Variants in ANKFY1 observed in about 807,000 individuals in gnomAD.
ANKFY1 encodes ankyrin repeat and FYVE domain containing 1.
ANKFY1 carries 47 observed loss-of-function variants against 128.3 expected under a neutral mutation model. The observed-to-expected ratio is 0.37, with a 90% CI of 0.29 to 0.47. The LOEUF is 0.47. Among genes scored for constraint, ANKFY1 ranks in the 20% least tolerant of loss-of-function variants. The pLI is 1.00. For missense variants in ANKFY1, 1,222 were observed against 1,510.6 expected (o/e 0.81, Z 3.17); for synonymous variants, 553 against 601.6 (o/e 0.92, Z 1.18).
Position 4,169,086 on chromosome 17 carries a change from G to T in ANKFY1, c.3377+112C>A. On this transcript the variant is annotated intron_variant, in intron 24 of 24. Transcript: ENST00000341657. The surrounding 1 kb of genome is among the most constrained non-coding windows in gnomAD (Gnocchi z 5.0). ...TCATCCCTCCATTTGGTCAAGGTTT[G>T]CCCATCAATGTGCAGGACCCAGGCA... The T allele has an allele frequency of 3.2e-6, 3 of 945,416 alleles. No homozygotes were observed. Among genetic ancestry groups the T allele is most frequent in the Non-Finnish European group, 4.9e-6 (3 of 613,268 alleles). 58.6% of individuals were successfully genotyped at this position (945,416 alleles called of 1,614,324 possible).
chr17:4,204,357 T>C (rs1007050219), intron 7 of ANKFY1, among the ~76,000 whole-genome samples: 3 of 152,204 alleles, frequency 2.0e-5, no homozygotes, highest in Non-Finnish European at 2.9e-5. Context: ...AAGGAAGACG[T>C]AGAATGTGAC....
At chr17:4,217,645 T>C (rs1335089651) in intron 3 of ANKFY1, among the ~76,000 whole-genome samples, 3 of 152,112 alleles carry the variant, frequency 2.0e-5, no homozygotes, top group Non-Finnish European at 4.4e-5. Context: ...GTCGAATAAA[T>C]TGGGGAAAAT....
At chr17:4,189,637 G>A (rs995645487) in intron 10 of ANKFY1, among the ~76,000 whole-genome samples, 158 bp from the exon 11 acceptor site, 6 of 151,304 alleles carry the variant, frequency 4.0e-5, no homozygotes, top group Non-Finnish European at 8.8e-5. Context: ...GTAGGCCCAC[G>A]CCAGAGAGTA....
At chr17:4,172,817 T>C (rs1781075806) in intron 21 of ANKFY1, 137 bp from the exon 22 acceptor site, 2 of 1,260,900 alleles carry the variant, frequency 1.6e-6, no homozygotes, top group Admixed American at 5.6e-5. Context: ...TTTCTTTTTC[T>C]TATTTTGTAT....
intron 14 of ANKFY1, among the ~76,000 whole-genome samples, chr17:4,182,560 G>A (rs1194665113): frequency 1.3e-5 from 2 of 152,126 alleles, no homozygotes; most frequent in African/African-American, 4.8e-5. Context: ...TATTGCCCTC[G>A]GAGATAACAT....
At chr17:4,243,931 A>AT in intron 1 of ANKFY1, among the ~76,000 whole-genome samples, 1 of 134,512 alleles carries the variant, frequency 7.4e-6, no homozygotes, top group Admixed American at 7.9e-5. Flanking sequence ...AAAGATAAAC[A>AT]ATTTTTTTTT....
Position 4,182,229 on chromosome 17 carries a change from C to CG in ANKFY1, c.2072dup (p.Leu692AlafsTer22). ...GATTGTTTGCCAATGCAAGCCACAG[C>CG]GGGGGGTTCCCCTTCTCATCTGGCA... On this transcript the variant is annotated frameshift_variant, in exon 15 of 25. Transcript: ENST00000341657. LOFTEE classifies it high-confidence loss of function. 6.3e-7 allele frequency: 1 copy of CG among 1,581,684 alleles called. No homozygotes were observed. The highest frequency in any genetic ancestry group is 8.6e-7 in the Non-Finnish European group (1 of 1,161,344).
intron 4 of ANKFY1, among the ~76,000 whole-genome samples, chr17:4,214,063 C>T (rs957318645): frequency 2.6e-5 from 4 of 152,188 alleles, no homozygotes; most frequent in Non-Finnish European, 5.9e-5. Flanking sequence ...TTCAATCTGC[C>T]TTCCTAACAT....
chr17:4,176,046 C>G (rs115519564), intron 19 of ANKFY1, among the ~76,000 whole-genome samples: 1 of 152,168 alleles, frequency 6.6e-6, no homozygotes, highest in African/African-American at 2.4e-5. Context: ...GACCCAGCTC[C>G]GCCTCCTTGG....
At chr17:4,187,533 T>A (rs1226544359) in intron 11 of ANKFY1, 1 of 360,694 alleles carries the variant, frequency 2.8e-6, no homozygotes, top group Non-Finnish European at 4.9e-6. Flanking sequence ...CCTTCTGCAG[T>A]GCTGGTCTCC....
At chr17:4,211,585 C>T (rs548006997) in intron 4 of ANKFY1, among the ~76,000 whole-genome samples, 27 of 152,018 alleles carry the variant, frequency 1.8e-4, no homozygotes, top group African/African-American at 3.6e-4. Context: ...TAAGGAAACA[C>T]GGCCAGGTGC....
Position 4,169,777 on chromosome 17 carries a change from A to G in ANKFY1, c.3287-489T>C, listed in dbSNP as rs1179879435. On this transcript the variant is annotated intron_variant, in intron 23 of 24. Coordinates refer to ENST00000341657, the MANE Select transcript of ANKFY1 (RefSeq NM_001330063.2). This position sits in a 1 kb window ranked among gnomAD's most constrained non-coding sequence, Gnocchi z 5.0. Reference sequence around the variant, plus strand: ...GAGTGCCTGGGTCTGCAGTGGGACCATGGGCAGAGCAACCTATGAGAAAGA... The same window carrying G: ...GAGTGCCTGGGTCTGCAGTGGGACCGTGGGCAGAGCAACCTATGAGAAAGA... Among the ~76,000 whole-genome samples the G allele has an allele frequency of 6.6e-6, 1 of 152,218 alleles. No homozygotes were observed. Among genetic ancestry groups the G allele is most frequent in the African/African-American group, 2.4e-5 (1 of 41,452 alleles).
intron 10 of ANKFY1, among the ~76,000 whole-genome samples, chr17:4,193,108 T>C (rs1420153038): frequency 6.6e-6 from 1 of 152,192 alleles, no homozygotes; most frequent in African/African-American, 2.4e-5. Context: ...AGTAAGAATA[T>C]GTAAGATTTG....
intron 2 of ANKFY1, among the ~76,000 whole-genome samples, chr17:4,237,407 C>T (rs923106227): frequency 2.0e-5 from 3 of 152,124 alleles, no homozygotes; most frequent in Non-Finnish European, 4.4e-5. Flanking sequence ...CTATGCAAAA[C>T]AGAACATCAA....
At chr17:4,202,363 T>C (rs1455393051) in intron 7 of ANKFY1, among the ~76,000 whole-genome samples, 4 of 144,208 alleles carry the variant, frequency 2.8e-5, no homozygotes, top group Admixed American at 7.1e-5. Flanking sequence ...ATTGCAGCAC[T>C]GCACTGCAGC....
intron 1 of ANKFY1, 30 bp from the exon 2 acceptor site, chr17:4,242,478 C>T (rs1180118851): frequency 6.6e-7 from 1 of 1,512,496 alleles, no homozygotes; most frequent in Non-Finnish European, 8.8e-7. Context: ...TCAAGTTCAC[C>T]GTGGCTGCTG....
Position 4,183,505 on chromosome 17 carries a change from G to A in ANKFY1, c.1845C>T (p.Ile615=). ...AAQLLGSGAA[I]NDTMSDGQTL... ...TCTGCCCATCCGACATGGTGTCATTGATGGCGGCTCCAGAGCCCAGCAGCT... is the reference window on the plus strand; with the variant it reads ...TCTGCCCATCCGACATGGTGTCATTAATGGCGGCTCCAGAGCCCAGCAGCT... Residue 615 remains isoleucine (I), a synonymous_variant, in exon 14 of 25, where the codon ATC becomes ATT. Coordinates refer to ENST00000341657, the MANE Select transcript of ANKFY1 (RefSeq NM_001330063.2). The A allele has an allele frequency of 6.2e-7, 1 of 1,613,084 alleles. No homozygotes were observed. Among genetic ancestry groups the A allele is most frequent in the Non-Finnish European group, 8.5e-7 (1 of 1,180,026 alleles).
In ANKFY1 at chr17:4,257,199, C is replaced by T. The variant is rs149525019; in HGVS notation, c.10+6733G>A. On this transcript the variant is annotated intron_variant, in intron 1 of 24. Transcript: ENST00000341657. ...GGTTTCAAAAGTCCTGTCTTTCATA[C>T]GTTCTGTGGTCTTTCTCCCATCAGT... Among the ~76,000 whole-genome samples, 710 of 152,250 alleles carry T rather than the reference C, an allele frequency of 4.7e-3. 2 individuals carry two copies. Among genetic ancestry groups the T allele is most frequent in the Admixed American group, 8.4e-3 (129 of 15,288 alleles).
chr17:4,263,959 C>T lies in ANKFY1; in HGVS notation c.-18G>A. ...TCCGCCATGTCTGGCCCGGCACTGC[C>T]TGCAACCTCGCGAGAAGTGCGCGGC... On this transcript the variant is annotated 5_prime_UTR_variant, in exon 1 of 25. Transcript: ENST00000341657. The T allele has an allele frequency of 6.2e-7, 1 of 1,614,022 alleles. No homozygotes were observed. Among genetic ancestry groups the T allele is most frequent in the Non-Finnish European group, 8.5e-7 (1 of 1,179,960 alleles).
Sources: allele counts gnomAD v4.1 joint callset (sites outside exome capture counted in the v4.1 genomes callset), GRCh38; gene constraint gnomAD v4.1.1; non-coding constraint Gnocchi (gnomAD v3.1); transcripts MANE v1.5; gene names NCBI Gene and HGNC (gene_info 2026-07-23, HGNC 2026-07-21).